TRPM3: variants seen among roughly 807,000 people sequenced by gnomAD.
TRPM3 encodes transient receptor potential cation channel subfamily M member 3.
A neutral mutation model predicts 181.2 loss-of-function variants in TRPM3; 77 were observed. The ratio of observed to expected loss-of-function variants is 0.42; its 90% CI spans 0.35 to 0.51. TRPM3 has a LOEUF of 0.51. Among genes scored for constraint, TRPM3 ranks in the 20% least tolerant of loss-of-function variants. The pLI is 0.01. For missense variants in TRPM3, 1,759 were observed against 2,196.7 expected (o/e 0.80, Z 3.98); for synonymous variants, 745 against 796.4 (o/e 0.94, Z 1.09).
At chr9:70,753,583 G>C (rs148460186) in intron 8 of TRPM3, among the ~76,000 whole-genome samples, 2 of 152,162 alleles carry the variant, frequency 1.3e-5, no homozygotes, top group Non-Finnish European at 2.9e-5. Context: ...GAAAGACATA[G>C]TGCAAACTCT....
intron 7 of TRPM3, among the ~76,000 whole-genome samples, chr9:70,768,412 G>C (rs908160838): frequency 6.6e-6 from 1 of 152,116 alleles, no homozygotes; most frequent in Non-Finnish European, 1.5e-5. Flanking sequence ...GTTAAATGCT[G>C]CATATAAGGG....
chr9:71,121,053 A>G, intron 1 of TRPM3, 125 bp downstream of exon 1: 1 of 842,740 alleles, frequency 1.2e-6, no homozygotes. Context: ...CCAGCCACGG[A>G]CCACAGAGCC....
intron 1 of TRPM3, among the ~76,000 whole-genome samples, chr9:71,045,960 A>G (rs2059381378): frequency 6.6e-6 from 1 of 151,446 alleles, no homozygotes; most frequent in Non-Finnish European, 1.5e-5. Context: ...ACTTTCCAGG[A>G]GTGTCTACAG....
At chr9:70,840,793 G>C (rs184297240) in intron 5 of TRPM3, among the ~76,000 whole-genome samples, 2 of 152,134 alleles carry the variant, frequency 1.3e-5, no homozygotes, top group Non-Finnish European at 2.9e-5. Flanking sequence ...ATAATACAAA[G>C]AGCCAGTAGG....
chr9:70,616,131 G>A lies in TRPM3; in HGVS notation c.2359-56C>T, dbSNP rs878859810. On this transcript the variant is annotated intron_variant, in intron 17 of 25. Transcript: ENST00000677713. ...TCACATTTAAAGGATTAAGATTAGG[G>A]TGGTTGTTTAGAATCAGAGAGCCTG... 5.0e-6 allele frequency: 7 copies of A among 1,398,026 alleles called. No homozygotes were observed. The African/African-American group carries it at 1.0e-4, about 20-fold the overall frequency. 86.6% of individuals were successfully genotyped at this position (1,398,026 alleles called of 1,614,324 possible).
chr9:71,275,954 G>T (rs1190238564), intron 1 of TRPM3, among the ~76,000 whole-genome samples: 1 of 151,324 alleles, frequency 6.6e-6, no homozygotes, highest in Non-Finnish European at 1.5e-5. Context: ...CCATTCTCCT[G>T]CCTCAGCCTC....
chr9:71,080,474 C>G (rs547027012), intron 1 of TRPM3, among the ~76,000 whole-genome samples: 2 of 152,282 alleles, frequency 1.3e-5, no homozygotes, highest in Non-Finnish European at 2.9e-5. Context: ...CTTTAAAACA[C>G]TGTAGTAGCC....
At chr9:70,582,222 T>C (rs991389849) in intron 22 of TRPM3, among the ~76,000 whole-genome samples, 28 of 151,148 alleles carry the variant, frequency 1.9e-4, no homozygotes, top group African/African-American at 6.1e-4. Flanking sequence ...CATGAATCCA[T>C]GATCACTACA....
chr9:70,855,446 G>T (rs1589268866), intron 3 of TRPM3, among the ~76,000 whole-genome samples: 1 of 152,206 alleles, frequency 6.6e-6, no homozygotes, highest in East Asian at 1.9e-4. Context: ...CAATGAAAAT[G>T]TAAAGGAACT....
intron 1 of TRPM3, among the ~76,000 whole-genome samples, chr9:70,982,217 G>A (rs536465984): frequency 3.3e-5 from 5 of 152,140 alleles, no homozygotes; most frequent in South Asian, 4.2e-4. Flanking sequence ...TACTGATATC[G>A]TATAACAATA....
chr9:71,041,279 G>A (rs199976786), intron 1 of TRPM3, among the ~76,000 whole-genome samples: 1 of 152,052 alleles, frequency 6.6e-6, no homozygotes, highest in African/African-American at 2.4e-5. Flanking sequence ...GAAAAAATTT[G>A]GTGAATCCAA....
chr9:71,348,730 A>C (rs1466049206), intron 1 of TRPM3, among the ~76,000 whole-genome samples: 1 of 151,274 alleles, frequency 6.6e-6, no homozygotes, highest in African/African-American at 2.4e-5. Context: ...AAGCCAGGCT[A>C]ATTTTTTTTT....
chr9:70,929,616 A>G (rs890031438), intron 1 of TRPM3, among the ~76,000 whole-genome samples: 10 of 152,268 alleles, frequency 6.6e-5, no homozygotes, highest in Non-Finnish European at 1.0e-4. Context: ...ATCTAAAATC[A>G]CATGTCCTAC....
chr9:71,350,584 T>C (rs1287994754), intron 1 of TRPM3, among the ~76,000 whole-genome samples: 1 of 152,254 alleles, frequency 6.6e-6, no homozygotes, highest in Non-Finnish European at 1.5e-5. Context: ...ACATGAAGAT[T>C]TGTATCACCT....
At chr9:70,650,113 A>T (rs2059417267) in intron 9 of TRPM3, among the ~76,000 whole-genome samples, 1 of 152,156 alleles carries the variant, frequency 6.6e-6, no homozygotes, top group African/African-American at 2.4e-5. Flanking sequence ...CATTGAGTAC[A>T]CATGGACACA....
At chr9:71,179,329 T>A (rs1452624533) in intron 1 of TRPM3, among the ~76,000 whole-genome samples, 1 of 152,056 alleles carries the variant, frequency 6.6e-6, no homozygotes, top group Non-Finnish European at 1.5e-5. Context: ...GCCTCACCAC[T>A]CACGATTGTA....
At chr9:70,812,707 C>T (rs1469549973) in intron 6 of TRPM3, among the ~76,000 whole-genome samples, 1 of 152,168 alleles carries the variant, frequency 6.6e-6, no homozygotes, top group Non-Finnish European at 1.5e-5. Flanking sequence ...CCAAGCACAA[C>T]ATTGGCTTAG....
intron 20 of TRPM3, among the ~76,000 whole-genome samples, chr9:70,602,844 C>T (rs1383191797): frequency 2.6e-5 from 4 of 152,184 alleles, no homozygotes; most frequent in Non-Finnish European, 5.9e-5. Flanking sequence ...GTGGTCCCTC[C>T]TGCTGGCAGA....
At chr9:70,957,309 C>A (rs574389767) in intron 1 of TRPM3, among the ~76,000 whole-genome samples, 1 of 152,184 alleles carries the variant, frequency 6.6e-6, no homozygotes, top group East Asian at 1.9e-4. Context: ...GACTTGTGTA[C>A]AATTGCAACA....
Sources: allele counts gnomAD v4.1 joint callset (sites outside exome capture counted in the v4.1 genomes callset), GRCh38; gene constraint gnomAD v4.1.1; transcripts MANE v1.5; gene names NCBI Gene and HGNC (gene_info 2026-07-23, HGNC 2026-07-21).